PABIR3: variants seen among roughly 807,000 people sequenced by gnomAD.
PABIR3 encodes PABIR family member 1.
A neutral mutation model predicts 23.1 loss-of-function variants in PABIR3; 20 were observed. That is an observed-to-expected ratio of 0.86 (90% CI 0.61 to 1.26). The LOEUF (loss-of-function observed/expected upper bound fraction) is 1.26. Ranked by LOEUF, PABIR3 falls within the 50% of genes most tolerant of loss-of-function variation. The pLI is 0.00. For synonymous variants in PABIR3, 69 were observed against 68.5 expected (o/e 1.01, Z -0.04); for missense variants, 189 against 195.4 (o/e 0.97, Z 0.20).
chrX:134,808,185 C>CT, intron 2 of PABIR3: 1 of 294,063 alleles, frequency 3.4e-6, no homozygotes, highest in Non-Finnish European at 5.9e-6. Flanking sequence ...GACTTTTTTA[C>CT]ATTTTTTTTT....
upstream of PABIR3, chrX:134,803,980 T>G (rs1202638673): frequency 9.2e-6 from 2 of 216,541 alleles, no homozygotes; most frequent in Non-Finnish European, 1.7e-5. Flanking sequence ...TAGATTTGGG[T>G]TTGACTTGTA....
intron 9 of PABIR3, among the ~76,000 whole-genome samples, chrX:134,850,685 C>T (rs778596164): frequency 2.4e-4 from 27 of 112,075 alleles, no homozygotes; most frequent in Non-Finnish European, 4.1e-4. Flanking sequence ...AAAAGTATCT[C>T]GAGTTTTCTT....
chrX:134,835,648 A>C (rs1485441056), intron 4 of PABIR3: 1 of 110,435 alleles, frequency 9.1e-6, no homozygotes, highest in African/African-American at 3.3e-5. Flanking sequence ...TCTAATAAAA[A>C]TTTTATTTTA....
At chrX:134,848,022 T>A in intron 8 of PABIR3, 51 bp downstream of exon 8, 1 of 999,634 alleles carries the variant, frequency 1.0e-6, no homozygotes, top group Non-Finnish European at 1.4e-6. Context: ...ATAAGAATTA[T>A]AGAAACCTAA....
intron 1 of PABIR3, among the ~76,000 whole-genome samples, chrX:134,800,193 CG>C (rs1467630359): frequency 9.3e-6 from 1 of 107,555 alleles, no homozygotes; most frequent in East Asian, 2.9e-4. Flanking sequence ...CCCAGCTACT[CG>C]GGGGGCTGAG....
intron 4 of PABIR3, among the ~76,000 whole-genome samples, chrX:134,832,269 C>T (rs1048482860): frequency 4.6e-5 from 5 of 108,009 alleles, no homozygotes; most frequent in African/African-American, 1.0e-4. Context: ...AGAGAGACTC[C>T]GTCTCAAAAA....
At chrX:134,800,775 C>T (rs761414991) in intron 1 of PABIR3, among the ~76,000 whole-genome samples, 24 of 111,741 alleles carry the variant, frequency 2.1e-4, no homozygotes, top group Middle Eastern at 4.7e-3. Context: ...TGCGACAGAG[C>T]GAGACTCTGC....
chrX:134,805,376 GA>G (rs2080187899), upstream of PABIR3, among the ~76,000 whole-genome samples: 2 of 112,244 alleles, frequency 1.8e-5, no homozygotes, highest in East Asian at 5.5e-4. Context: ...CTTATATAAG[GA>G]ATGGAGACTC....
upstream of PABIR3, among the ~76,000 whole-genome samples, chrX:134,803,420 C>T (rs2080114816): frequency 8.9e-6 from 1 of 112,420 alleles, no homozygotes; most frequent in South Asian, 3.7e-4. Flanking sequence ...GAAGAGAAGG[C>T]CATTGCATTG....
At chrX:134,810,401 C>CTTATTTTTG (rs1349359319) in intron 2 of PABIR3, 2 of 753,131 alleles carry the variant, frequency 2.7e-6, no homozygotes, top group African/African-American at 4.6e-5. Context: ...ATAAGGGTCA[C>CTTATTTTTG]TAGCATATTT....
intron 2 of PABIR3, among the ~76,000 whole-genome samples, chrX:134,808,870 C>T (rs1270019794): frequency 1.5e-4 from 17 of 111,749 alleles, no homozygotes; most frequent in Admixed American, 1.0e-3. Context: ...AGCTTGATCT[C>T]CTAAATTACA....
chrX:134,839,497 G>A lies in PABIR3; in HGVS notation c.247-5708G>A, dbSNP rs775147209. On this transcript the variant is annotated intron_variant, in intron 4 of 10. Transcript: ENST00000645433. The stretch of plus-strand genomic sequence containing the variant: ...TGAGAAGTGAGGAGCCCCTCCGCCC[G>A]GCAGCCACACCGTCTGGGAAGTGAG... 6 of 125,097 alleles carry A rather than the reference G, an allele frequency of 4.8e-5. No homozygotes were observed. In the South Asian group the frequency reaches 8.7e-4, roughly 18 times the overall value. The allele number at this position is 125,097 out of a possible 1,213,427, so 10.3% of individuals were successfully genotyped here. A position where few individuals can be genotyped will look rare whatever the true frequency, so the allele number is the denominator to read the frequency against.
chrX:134,825,103 TATA>T (rs1370688658), intron 3 of PABIR3, among the ~76,000 whole-genome samples: 2 of 111,763 alleles, frequency 1.8e-5, no homozygotes, highest in East Asian at 2.8e-4. Flanking sequence ...GGGAACTCTT[TATA>T]ATTTCTGTTC....
intron 3 of PABIR3, among the ~76,000 whole-genome samples, chrX:134,815,398 AAGCC>A (rs929360366): frequency 3.6e-5 from 4 of 112,095 alleles, no homozygotes; most frequent in Non-Finnish European, 5.6e-5. Context: ...GTAGATCAGT[AAGCC>A]AAGGTGAATA....
upstream of PABIR3, chrX:134,796,422 G>C (rs138717311): frequency 1.7e-3 from 656 of 389,427 alleles, 13 homozygotes; most frequent in East Asian, 0.027. Flanking sequence ...GAGGATGATG[G>C]TGAGGCAGGA....
intron 4 of PABIR3, among the ~76,000 whole-genome samples, chrX:134,839,921 G>T (rs778139412): frequency 8.9e-6 from 1 of 112,653 alleles, no homozygotes; most frequent in Non-Finnish European, 1.9e-5. Context: ...GAATAGAAAG[G>T]GGGGAAAGGT....
At chrX:134,854,934 CTT>C (rs2082738611), downstream of PABIR3, 1 of 111,797 alleles carries the variant, frequency 8.9e-6, no homozygotes, top group African/African-American at 3.2e-5. Flanking sequence ...AAGTTGTAGT[CTT>C]TTACATTTTT....
chrX:134,814,904 A>AG, intron 3 of PABIR3, 55 bp downstream of exon 3: 13 of 903,087 alleles, frequency 1.4e-5, no homozygotes, highest in Non-Finnish European at 1.7e-5. Flanking sequence ...TATTGGTCTC[A>AG]ACCAATGGTC....
chrX:134,814,718 A>G, intron 2 of PABIR3, 53 bp from the exon 3 acceptor site: 1 of 1,004,832 alleles, frequency 1.0e-6, no homozygotes, highest in Non-Finnish European at 1.4e-6. Flanking sequence ...AAAAAAAAAA[A>G]AAGAATTTTG....
Sources: gnomAD v4.1 joint callset for allele counts (sites outside exome capture counted in the v4.1 genomes callset) on GRCh38, gnomAD v4.1.1 for gene constraint, MANE v1.5 for transcripts, NCBI Gene and HGNC (gene_info 2026-07-23, HGNC 2026-07-21) for gene names.